FIRRM: variants seen among roughly 807,000 people sequenced by gnomAD.
FIRRM encodes the protein FIGNL1 interacting regulator of recombination and mitosis, also known as FIGNL1-interacting regulator of recombination and mitosis.
the FIRRM span, chr1:169,850,384 TA>T: frequency 1.4e-6 from 2 of 1,433,090 alleles, no homozygotes; most frequent in Admixed American, 2.1e-5. Flanking sequence ...TTCTTTGTCC[TA>T]TTTTTTTTTT....
At chr1:169,810,398 C>G in the FIRRM span, among the ~76,000 whole-genome samples, 1 of 152,088 alleles carries the variant, frequency 6.6e-6, no homozygotes, top group African/African-American at 2.4e-5. Context: ...ATTTTATTCT[C>G]TCACATTTCT....
the FIRRM span, among the ~76,000 whole-genome samples, chr1:169,801,891 T>G: frequency 6.6e-6 from 1 of 152,234 alleles, no homozygotes; most frequent in Non-Finnish European, 1.5e-5. Flanking sequence ...ATTCTCTATC[T>G]GAAATATTTC....
the FIRRM span, chr1:169,837,252 A>C: frequency 3.4e-6 from 2 of 587,070 alleles, no homozygotes; most frequent in Non-Finnish European, 5.3e-6. Context: ...AGATTTTCAG[A>C]TTTCTTCATT....
the FIRRM span, chr1:169,852,011 C>G: frequency 2.5e-6 from 4 of 1,599,244 alleles, no homozygotes; most frequent in Non-Finnish European, 3.4e-6. Context: ...ACGAAACAAA[C>G]CAGTGTGGTT....
chr1:169,840,037 G>A, the FIRRM span, among the ~76,000 whole-genome samples: 1 of 152,078 alleles, frequency 6.6e-6, no homozygotes, highest in Non-Finnish European at 1.5e-5. Flanking sequence ...ATGGCTGTAG[G>A]TATGTGGCTT....
chr1:169,829,596 C>T, the FIRRM span: 7 of 703,802 alleles, frequency 9.9e-6, no homozygotes, highest in Admixed American at 2.4e-4. Context: ...AAATGGTAAT[C>T]CCAGATTCCT....
chr1:169,850,353 C>T, the FIRRM span: 1 of 1,561,336 alleles, frequency 6.4e-7, no homozygotes. Context: ...AAGGTACTTT[C>T]TTTACATGGC....
the FIRRM span, chr1:169,827,797 A>C: frequency 1.1e-5 from 17 of 1,614,088 alleles, no homozygotes; most frequent in South Asian, 1.9e-4. Flanking sequence ...GGAAGTGCAA[A>C]CCCTGTGGTG....
the FIRRM span, chr1:169,827,761 A>G: frequency 3.7e-6 from 6 of 1,614,002 alleles, no homozygotes; most frequent in African/African-American, 2.7e-5. Context: ...GGTTGTTGTC[A>G]TGGATAAGCT....
At chr1:169,832,458 A>C in the FIRRM span, 3 of 1,613,794 alleles carry the variant, frequency 1.9e-6, no homozygotes, top group Non-Finnish European at 1.7e-6. Context: ...TCATCAACCT[A>C]TCAATACTGT....
the FIRRM span, chr1:169,794,943 T>C: frequency 1.6e-6 from 1 of 615,752 alleles, no homozygotes; most frequent in East Asian, 2.8e-5. Flanking sequence ...AAGCCCGACT[T>C]TCTTTCCGGC....
the FIRRM span, chr1:169,850,241 T>G: frequency 6.6e-7 from 1 of 1,508,798 alleles, no homozygotes; most frequent in African/African-American, 1.4e-5. Flanking sequence ...TTAAAATTGG[T>G]CTTGTTCATC....
the FIRRM span, among the ~76,000 whole-genome samples, chr1:169,804,613 C>CTA: frequency 1.3e-5 from 2 of 152,148 alleles, no homozygotes; most frequent in Non-Finnish European, 2.9e-5. Context: ...GTAAATATGT[C>CTA]TATTCTCATA....
At chr1:169,817,268 T>C in the FIRRM span, among the ~76,000 whole-genome samples, 1 of 152,202 alleles carries the variant, frequency 6.6e-6, no homozygotes, top group Non-Finnish European at 1.5e-5. Flanking sequence ...GCCAAAGTTA[T>C]CAGAAACCTG....
the FIRRM span, among the ~76,000 whole-genome samples, chr1:169,801,419 T>C: frequency 3.3e-5 from 4 of 121,474 alleles, no homozygotes; most frequent in African/African-American, 1.3e-4. Flanking sequence ...CACTCCAGCC[T>C]GGGCAATAAG....
the FIRRM span, among the ~76,000 whole-genome samples, chr1:169,833,132 A>C: frequency 6.6e-6 from 1 of 152,102 alleles, no homozygotes; most frequent in East Asian, 1.9e-4. Flanking sequence ...TATTTTGAAG[A>C]GCTAGAATAT....
the FIRRM span, among the ~76,000 whole-genome samples, chr1:169,798,090 T>C: frequency 6.6e-6 from 1 of 151,960 alleles, no homozygotes; most frequent in East Asian, 1.9e-4. Context: ...ACAATAGAAA[T>C]GTTGAGGAAA....
At chr1:169,788,350 T>A in the FIRRM span, among the ~76,000 whole-genome samples, 11 of 152,178 alleles carry the variant, frequency 7.2e-5, no homozygotes, top group Non-Finnish European at 1.2e-4. Context: ...ACAAAGACAT[T>A]TATGATGATC....
At chr1:169,789,146 T>C in the FIRRM span, among the ~76,000 whole-genome samples, 103 of 152,278 alleles carry the variant, frequency 6.8e-4, 1 homozygote, top group Middle Eastern at 3.4e-3. Flanking sequence ...AAATCCTTAT[T>C]ATCAACAATC....
Sources: gnomAD v4.1 joint callset for allele counts (sites outside exome capture counted in the v4.1 genomes callset) on GRCh38, gnomAD v4.1.1 for gene constraint, MANE v1.5 for transcripts, NCBI Gene and HGNC (gene_info 2026-07-23, HGNC 2026-07-21) for gene names.